THADA: variants seen among roughly 807,000 people sequenced by gnomAD.
THADA encodes the protein tRNA (32-2'-O)-methyltransferase regulator THADA.
In THADA, 213 loss-of-function variants were observed where a neutral mutation model predicts 219.8. The observed-to-expected ratio is 0.97, with a 90% confidence interval of 0.87 to 1.09. The LOEUF (loss-of-function observed/expected upper bound fraction) is 1.09. Among genes scored for constraint, THADA ranks in the 50% least tolerant of loss-of-function variants. The probability of loss-of-function intolerance (pLI) is 0.00; values close to 1 mark genes in which losing one functional copy is unlikely to be tolerated. For synonymous variants in THADA, 1,018 were observed against 828.9 expected (o/e 1.23, Z -3.92); for missense variants, 2,956 against 2,311.3 (o/e 1.28, Z -5.72).
At chr2:43,413,286 G>C (rs890683666) in intron 28 of THADA, among the ~76,000 whole-genome samples, 1 of 151,974 alleles carries the variant, frequency 6.6e-6, no homozygotes, top group African/African-American at 2.4e-5. Context: ...TTCTTGGCTT[G>C]ATGAGAAAAA....
At chr2:43,246,220 C>T (rs554008719) in intron 36 of THADA, among the ~76,000 whole-genome samples, 12 of 152,250 alleles carry the variant, frequency 7.9e-5, no homozygotes, top group Admixed American at 5.2e-4. Flanking sequence ...AGAGGCTGGA[C>T]GTGGTGGCTC....
intron 26 of THADA, among the ~76,000 whole-genome samples, chr2:43,482,860 C>G (rs183410882): frequency 6.6e-6 from 1 of 152,144 alleles, no homozygotes; most frequent in Non-Finnish European, 1.5e-5. Context: ...AAATGAACTT[C>G]TAATAGTTTG....
At chr2:43,504,940 C>A (rs1426845204) in intron 24 of THADA, among the ~76,000 whole-genome samples, 1 of 152,124 alleles carries the variant, frequency 6.6e-6, no homozygotes, top group African/African-American at 2.4e-5. Flanking sequence ...CTGAGGAAGT[C>A]CAGACTATAA....
At chr2:43,587,247 G>A (rs188282721) in intron 4 of THADA, among the ~76,000 whole-genome samples, 6 of 152,144 alleles carry the variant, frequency 3.9e-5, no homozygotes, top group East Asian at 1.9e-4. Context: ...GAGTGACACC[G>A]TTAAAACACC....
intron 17 of THADA, among the ~76,000 whole-genome samples, chr2:43,555,414 T>G (rs1697231018): frequency 6.7e-6 from 1 of 150,020 alleles, no homozygotes; most frequent in African/African-American, 2.5e-5. Context: ...ATATATATGT[T>G]TTTTAAGCCG....
chr2:43,444,175 A>T (rs1284829356), intron 26 of THADA, among the ~76,000 whole-genome samples: 1 of 152,086 alleles, frequency 6.6e-6, no homozygotes, highest in African/African-American at 2.4e-5. Context: ...TTATGTTTTG[A>T]TGTAGGTCCA....
intron 22 of THADA, 24 bp downstream of exon 22, chr2:43,527,855 T>C (rs1693356796): frequency 7.9e-6 from 12 of 1,511,560 alleles, no homozygotes; most frequent in Non-Finnish European, 1.1e-5. Context: ...TTTTAAAACG[T>C]ACACAAAAGG....
At chr2:43,251,545 G>A (rs375736980) in intron 36 of THADA, among the ~76,000 whole-genome samples, 3 of 152,166 alleles carry the variant, frequency 2.0e-5, no homozygotes, top group East Asian at 1.9e-4. Context: ...CTCTGTCAGC[G>A]TGCGAAACAC....
At chr2:43,397,755 G>GATA (rs1395519263) in intron 29 of THADA, among the ~76,000 whole-genome samples, 2 of 151,844 alleles carry the variant, frequency 1.3e-5, no homozygotes, top group Non-Finnish European at 2.9e-5. Flanking sequence ...TATTGCAAAA[G>GATA]ATAATATAAG....
chr2:43,520,872 G>C (rs1553473586), intron 22 of THADA, among the ~76,000 whole-genome samples: 1 of 147,278 alleles, frequency 6.8e-6, no homozygotes, highest in Non-Finnish European at 1.5e-5. Context: ...CTAGAAAGCA[G>C]CACGGTATGA....
chr2:43,248,156 TATATATATAGAGAGAGAGAGAGAGAGAG>T (rs1428448956), intron 36 of THADA, among the ~76,000 whole-genome samples: 115 of 76,040 alleles, frequency 1.5e-3, no homozygotes, highest in African/African-American at 6.9e-3. Context: ...TATATATATA[TATATATATAGAGAGAGAGAGAGAGAGAG>T]AGAGAGAGAG....
intron 11 of THADA, 133 bp downstream of exon 11, chr2:43,574,203 A>G (rs1040225614): frequency 9.8e-6 from 7 of 711,344 alleles, no homozygotes; most frequent in Non-Finnish European, 1.5e-5. Context: ...AAACTGAAAC[A>G]TCTATCATTA....
At position 43,574,776 on chromosome 2, in the gene THADA, T is replaced by C. The variant is rs766156996; in HGVS notation, c.1289A>G (p.Asp430Gly). ...CACAAAGAAAGGATCAGGGACGAAATCTGCACCTTCCACAGTGAGCCGGTG... is the reference window on the plus strand; with the variant it reads ...CACAAAGAAAGGATCAGGGACGAAACCTGCACCTTCCACAGTGAGCCGGTG... ...QMHRLTVEGA[D>G]FVPDPFFVEL... Residue 430 changes from aspartate (D) to glycine (G), a missense_variant, in exon 11 of 38, where the codon GAT becomes GGT. Transcript: ENST00000405975. The C allele has an allele frequency of 4.3e-6, 7 of 1,614,026 alleles. No homozygotes were observed. The highest frequency in any genetic ancestry group is 5.9e-6 in the Non-Finnish European group (7 of 1,179,888).
chr2:43,438,589 C>T (rs1187013159), intron 26 of THADA, among the ~76,000 whole-genome samples: 2 of 152,096 alleles, frequency 1.3e-5, no homozygotes, highest in Non-Finnish European at 2.9e-5. Flanking sequence ...ACTTGTTCAT[C>T]AACAAAACAT....
intron 28 of THADA, among the ~76,000 whole-genome samples, chr2:43,413,583 G>C (rs1203658214): frequency 6.6e-6 from 1 of 152,128 alleles, no homozygotes; most frequent in Non-Finnish European, 1.5e-5. Flanking sequence ...CAAAGCCTTA[G>C]GCACTACTAT....
Position 43,561,973 on chromosome 2 carries a change from CA to C in THADA, c.2312-1589del, listed in dbSNP as rs553391597. ...ATCATAAAAGGGTACTGAATTCTGT[CA>C]AATGCCTTTTCTGCAAAAATTGAGA... is the stretch of plus-strand genomic sequence containing the variant. On this transcript the variant is annotated intron_variant, in intron 15 of 37. Coordinates refer to ENST00000405975, the MANE Select transcript of THADA (RefSeq NM_022065.5). 1.7e-3 allele frequency among the ~76,000 whole-genome samples: 252 copies of C among 152,272 alleles called. 3 individuals are homozygous for C. Among genetic ancestry groups the C allele is most frequent in the Admixed American group, 3.6e-3 (55 of 15,304 alleles).
intron 29 of THADA, among the ~76,000 whole-genome samples, chr2:43,352,015 T>C (rs1573216849): frequency 6.6e-6 from 1 of 152,328 alleles, no homozygotes; most frequent in East Asian, 1.9e-4. Flanking sequence ...ATATGAAGAA[T>C]TTAAAATTAA....
At chr2:43,578,314 CT>C (rs34796084) in intron 9 of THADA, among the ~76,000 whole-genome samples, 198 bp downstream of exon 9, 175 of 141,562 alleles carry the variant, frequency 1.2e-3, no homozygotes, top group Non-Finnish European at 1.1e-3. Flanking sequence ...AGCAAATTTT[CT>C]TTTTTTTTTT....
intron 29 of THADA, among the ~76,000 whole-genome samples, chr2:43,376,842 T>C (rs1671434074): frequency 6.6e-6 from 1 of 152,190 alleles, no homozygotes; most frequent in African/African-American, 2.4e-5. Context: ...GGCTCCTAAA[T>C]GACTGTGTGA....
Sources: allele counts gnomAD v4.1 joint callset (sites outside exome capture counted in the v4.1 genomes callset), GRCh38; gene constraint gnomAD v4.1.1; transcripts MANE v1.5; gene names NCBI Gene and HGNC (gene_info 2026-07-23, HGNC 2026-07-21).